The following MRC1 variants were observed in gnomAD, a reference collection of about 807,000 sequenced individuals.
The protein encoded by MRC1 is macrophage mannose receptor 1.
MRC1 carries 62 observed loss-of-function variants against 102.9 expected under a neutral mutation model. The ratio of observed to expected loss-of-function variants is 0.60; its 90% CI spans 0.49 to 0.74. The LOEUF is 0.74. Among genes scored for constraint, MRC1 ranks in the 30% least tolerant of loss-of-function variants. MRC1 has a pLI of 0.00. For synonymous variants in MRC1, 457 were observed against 298.4 expected (o/e 1.53, Z -5.48); for missense variants, 1,237 against 862.8 (o/e 1.43, Z -5.43).
chr10:17,875,018 T>C, intron 16 of MRC1, 72 bp from the exon 17 acceptor site: 1 of 779,444 alleles, frequency 1.3e-6, no homozygotes, highest in South Asian at 1.3e-5. Flanking sequence ...CTTTCACCTT[T>C]GTGTGCTGTA....
intron 1 of MRC1, among the ~76,000 whole-genome samples, chr10:17,815,216 G>C (rs1838292269): frequency 6.6e-6 from 1 of 152,122 alleles, no homozygotes; most frequent in African/African-American, 2.4e-5. Flanking sequence ...GAAGCACAGA[G>C]TAATGTTGAA....
chr10:17,868,140 G>A (rs1469200522), intron 12 of MRC1, among the ~76,000 whole-genome samples: 2 of 152,170 alleles, frequency 1.3e-5, no homozygotes, highest in Non-Finnish European at 2.9e-5. Flanking sequence ...TCTTTTATAA[G>A]TCACATCCTT....
intron 3 of MRC1, among the ~76,000 whole-genome samples, chr10:17,828,107 C>A (rs544054181): frequency 6.6e-6 from 1 of 152,164 alleles, no homozygotes; most frequent in Non-Finnish European, 1.5e-5. Context: ...GACGGAGTCT[C>A]GCTGTGTCTC....
chr10:17,809,559 C>A, intron 1 of MRC1, 33 bp downstream of exon 1: 3 of 872,206 alleles, frequency 3.4e-6, no homozygotes, highest in Non-Finnish European at 6.0e-6. Context: ...GATCTCTGAC[C>A]TGGGGGGCCG....
At chr10:17,866,037 G>A (rs1166145320) in intron 11 of MRC1, among the ~76,000 whole-genome samples, 2 of 152,054 alleles carry the variant, frequency 1.3e-5, no homozygotes, top group African/African-American at 2.4e-5. Context: ...TTCTTTGTTC[G>A]TTAAAGCTGG....
intron 7 of MRC1, among the ~76,000 whole-genome samples, chr10:17,852,024 CTCCCAG>C (rs1186616859): frequency 4.4e-4 from 67 of 152,308 alleles, no homozygotes; most frequent in African/African-American, 1.5e-3. Flanking sequence ...CATGATGGGA[CTCCCAG>C]TCGTGTGAAT....
chr10:17,824,048 A>T (rs1204126507), intron 2 of MRC1, among the ~76,000 whole-genome samples: 2 of 152,226 alleles, frequency 1.3e-5, no homozygotes, highest in Non-Finnish European at 2.9e-5. Context: ...TTGTAAATTA[A>T]TATGCAGTCT....
intron 17 of MRC1, among the ~76,000 whole-genome samples, chr10:17,875,630 A>G (rs1213467396): frequency 2.6e-5 from 4 of 152,110 alleles, no homozygotes; most frequent in African/African-American, 4.8e-5. Flanking sequence ...ATTCCATGGT[A>G]TGTCTATACC....
At chr10:17,840,063 C>A (rs1438899603) in intron 4 of MRC1, among the ~76,000 whole-genome samples, 1 of 47,628 alleles carries the variant, frequency 2.1e-5, no homozygotes, top group Non-Finnish European at 3.4e-5. Context: ...AAGACTCCAA[C>A]TCAAAAAAAA....
chr10:17,864,768 G>T (rs1381418748), intron 11 of MRC1, among the ~76,000 whole-genome samples: 6 of 147,586 alleles, frequency 4.1e-5, no homozygotes, highest in Non-Finnish European at 8.9e-5. Context: ...GGCAGAGGTT[G>T]CAGTGAGTCG....
intron 1 of MRC1, among the ~76,000 whole-genome samples, chr10:17,813,951 G>A (rs1046513256): frequency 4.0e-5 from 6 of 151,754 alleles, no homozygotes; most frequent in African/African-American, 1.5e-4. Context: ...TGCTCACCTC[G>A]GCCTCCCAAA....
In MRC1 at chr10:17,845,398, G is replaced by A. The variant is rs1838811178; in HGVS notation, c.1026G>A (p.Lys342=). 6 of 780,708 alleles carry A rather than the reference G, an allele frequency of 7.7e-6. No homozygotes were observed. Among genetic ancestry groups the A allele is most frequent in the Admixed American group, 3.4e-5 (2 of 59,008 alleles). 48.4% of individuals were successfully genotyped at this position (780,708 alleles called of 1,614,324 possible). The change falls in exon 6 of 30, where the codon AAG becomes AAA. Residue 342 remains lysine, a synonymous_variant. Coordinates refer to ENST00000569591, the MANE Select transcript of MRC1 (RefSeq NM_002438.4). ...CVQKLGYICK[K]GNTTLNSFVI... Reference sequence around the variant, plus strand: ...AGAAACTGGGCTATATTTGCAAAAAGGGCAACACCACTTTAAATTCTTTTG... The same window carrying A: ...AGAAACTGGGCTATATTTGCAAAAAAGGCAACACCACTTTAAATTCTTTTG...
chr10:17,879,616 G>A, intron 18 of MRC1, 105 bp from the exon 19 acceptor site: 1 of 779,432 alleles, frequency 1.3e-6, no homozygotes, highest in Non-Finnish European at 2.4e-6. Flanking sequence ...ACTCGCCTCG[G>A]CCTCCCATGG....
intron 22 of MRC1, among the ~76,000 whole-genome samples, chr10:17,888,929 A>C (rs1335369490): frequency 6.6e-6 from 1 of 151,764 alleles, no homozygotes; most frequent in Non-Finnish European, 1.5e-5. Flanking sequence ...TTCTCACTTT[A>C]CATATGTTGA....
chr10:17,877,811 A>G, intron 17 of MRC1, 89 bp from the exon 18 acceptor site: 1 of 851,036 alleles, frequency 1.2e-6, no homozygotes, highest in Non-Finnish European at 2.1e-6. Context: ...GGTTTCGATT[A>G]GGCTGCCTCA....
At chr10:17,844,762 G>C (rs1293242927) in intron 5 of MRC1, among the ~76,000 whole-genome samples, 8 of 152,264 alleles carry the variant, frequency 5.3e-5, no homozygotes, top group African/African-American at 1.9e-4. Flanking sequence ...CCCAGTTTCT[G>C]TTGTTGCCAT....
rs1284572664 is a variant in MRC1 at position 17,839,904 on chromosome 10, CA to C, written c.803-777del. On this transcript the variant is annotated intron_variant, in intron 4 of 29. Transcript: ENST00000569591. ...TGAAATGTCATCCCTCCTAAAAATA[CA>C]AAAAAAAAAAATTAGCCAGGCGTGG... is the stretch of plus-strand genomic sequence containing the variant. 1.1e-3 allele frequency among the ~76,000 whole-genome samples: 160 copies of C among 139,646 alleles called. 2 individuals are homozygous for C. Among genetic ancestry groups the C allele is most frequent in the South Asian group, 5.7e-3 (25 of 4,354 alleles). 91.6% of individuals were successfully genotyped at this position (139,646 alleles called of 152,430 possible). A position where few individuals can be genotyped will look rare whatever the true frequency, so the allele number is the denominator to read the frequency against.
intron 4 of MRC1, among the ~76,000 whole-genome samples, chr10:17,839,935 G>T (rs1053353619): frequency 6.6e-6 from 1 of 151,550 alleles, no homozygotes; most frequent in Non-Finnish European, 1.5e-5. Context: ...GCGTGGTGGC[G>T]GTCACCTGTA....
intron 16 of MRC1, 111 bp from the exon 17 acceptor site, chr10:17,874,979 A>C: frequency 1.3e-6 from 1 of 757,122 alleles, no homozygotes. Flanking sequence ...TCAGAGTTGC[A>C]GATGCCTCTT....
Sources: gnomAD v4.1 joint callset for allele counts (sites outside exome capture counted in the v4.1 genomes callset) on GRCh38, gnomAD v4.1.1 for gene constraint, MANE v1.5 for transcripts, NCBI Gene and HGNC (gene_info 2026-07-23, HGNC 2026-07-21) for gene names.